Variants in TMEM30A observed in about 807,000 individuals in gnomAD.
TMEM30A encodes cell division cycle 50 P4-ATPase accessory subunit A, also known as cell cycle control protein 50A.
In TMEM30A, 24 loss-of-function variants were observed where a neutral mutation model predicts 38.2. The ratio of observed to expected loss-of-function variants is 0.63; its 90% CI spans 0.46 to 0.88. The LOEUF (loss-of-function observed/expected upper bound fraction) is 0.88. TMEM30A is among the 40% of genes least tolerant of loss of function. TMEM30A has a pLI of 0.00. For missense variants in TMEM30A, 370 were observed against 458.6 expected, an observed-to-expected ratio of 0.81 and a Z score of 1.77; for synonymous variants, 145 against 161.6, an observed-to-expected ratio of 0.90 and a Z score of 0.78.
chr6:75,272,807 T>C (rs903005120), intron 1 of TMEM30A: 2 of 152,252 alleles, frequency 1.3e-5, no homozygotes, highest in Non-Finnish European at 2.9e-5. Flanking sequence ...CTGTCCATTG[T>C]GAGTTTTGGA....
rs765963078 is a variant in TMEM30A, at chr6:75,260,927, A to T, written c.454-16T>A. 2 of 1,559,904 alleles carry T rather than the reference A, an allele frequency of 1.3e-6. No individual in the cohort carries two copies. Among genetic ancestry groups the T allele is most frequent in the South Asian group, 2.4e-5 (2 of 84,260 alleles). ...TACTGGGATTCTGGTTTTTACAAGG[A>T]AAAGAAGAGAGAAATTATTATCCAG... On this transcript the variant is annotated splice_polypyrimidine_tract_variant and intron_variant, in intron 3 of 6. Coordinates refer to ENST00000230461, the MANE Select transcript of TMEM30A (RefSeq NM_018247.4).
rs563727822 is a variant in TMEM30A, at chr6:75,259,103, G to T, written c.686-117C>A. The T allele has an allele frequency of 1.1e-3, 1,018 of 934,386 alleles. 2 individuals are homozygous for T. The highest frequency in any genetic ancestry group is 1.4e-3 in the Non-Finnish European group (905 of 634,124). 57.9% of individuals were successfully genotyped at this position (934,386 alleles called of 1,614,324 possible). ...GGGTTTATTCAAAAGAAGCTTTGCT[G>T]CAATTTTAAAATATTATAGCTGAAA... On this transcript the variant is annotated intron_variant, in intron 5 of 6. Coordinates refer to ENST00000230461, the MANE Select transcript of TMEM30A (RefSeq NM_018247.4).
chr6:75,264,793 A>G (rs537573609), intron 3 of TMEM30A, among the ~76,000 whole-genome samples: 1 of 151,942 alleles, frequency 6.6e-6, no homozygotes, highest in Non-Finnish European at 1.5e-5. Flanking sequence ...AGGAAAAAAT[A>G]TTTTAACTAA....
At chr6:75,275,633 T>A (rs1772247950) in intron 1 of TMEM30A, among the ~76,000 whole-genome samples, 1 of 152,232 alleles carries the variant, frequency 6.6e-6, no homozygotes, top group South Asian at 2.1e-4. Flanking sequence ...GAGAAAATTC[T>A]TTTAGCTCTA....
In TMEM30A at chr6:75,259,423, A is replaced by C. The variant is rs200587918; in HGVS notation, c.609T>G (p.Gly203=). Residue 203 remains glycine, a synonymous_variant, in exon 5 of 7, where the codon GGT becomes GGG. Coordinates refer to ENST00000230461, the MANE Select transcript of TMEM30A (RefSeq NM_018247.4). ...CATTTTTATCTGTCCACCAAGCAAT[A>C]CCTTTCTTTTTCAAAGCGATAGGTA... ...YPIPIALKKK[G]IAWWTDKNVK... The C allele has an allele frequency of 6.2e-7, 1 of 1,613,452 alleles. No individual in the cohort carries two copies. The highest frequency in any genetic ancestry group is 1.7e-5 in the Admixed American group (1 of 59,988).
At chr6:75,277,721 C>G (rs1301764678) in intron 1 of TMEM30A, among the ~76,000 whole-genome samples, 1 of 152,102 alleles carries the variant, frequency 6.6e-6, no homozygotes, top group Non-Finnish European at 1.5e-5. Flanking sequence ...CCTGGGCAAC[C>G]AAGCGAGACC....
Position 75,253,776 on chromosome 6 carries a change from T to A in TMEM30A, c.*2326A>T, listed in dbSNP as rs1411919395. On this transcript the variant is annotated 3_prime_UTR_variant, in exon 7 of 7. Transcript: ENST00000230461. The stretch of plus-strand genomic sequence containing the variant: ...ATTAATTAGTAGTACACAGCTATTT[T>A]TATCAATTTATGCTTAAACTGCCTT... 6.6e-6 allele frequency: 1 copy of A among 152,636 alleles called. No homozygotes were observed. The highest frequency in any genetic ancestry group is 2.4e-5 in the African/African-American group (1 of 41,464). 9.5% of individuals were successfully genotyped at this position (152,636 alleles called of 1,614,324 possible).
chr6:75,256,427 T>C, intron 6 of TMEM30A, 132 bp from the exon 7 acceptor site: 1 of 626,920 alleles, frequency 1.6e-6, no homozygotes, highest in Non-Finnish European at 2.5e-6. Context: ...CACTCCTACG[T>C]TCTAAATCAC....
At chr6:75,271,051 TGAAA>T (rs1772159381) in intron 1 of TMEM30A, among the ~76,000 whole-genome samples, 1 of 152,158 alleles carries the variant, frequency 6.6e-6, no homozygotes, top group Admixed American at 6.5e-5. Flanking sequence ...GTTGGAGAGA[TGAAA>T]GAAAAGACCA....
At chr6:75,259,253 A>C in intron 5 of TMEM30A, 94 bp downstream of exon 5, 1 of 1,399,006 alleles carries the variant, frequency 7.1e-7, no homozygotes, top group Non-Finnish European at 9.7e-7. Flanking sequence ...TGTGTTTTTC[A>C]AAGCATAACT....
chr6:75,272,968 G>C (rs1302437381), intron 1 of TMEM30A: 1 of 152,390 alleles, frequency 6.6e-6, no homozygotes, highest in East Asian at 1.9e-4. Context: ...GGGAAACAAA[G>C]AGTGGATGTG....
chr6:75,265,105 A>G lies in TMEM30A; in HGVS notation c.453+126T>C, dbSNP rs149326934. On this transcript the variant is annotated intron_variant, in intron 3 of 6. Transcript: ENST00000230461. ...AAGTGAGACTCCATCTCGGGGGGAA[A>G]AAAATCCTCACTATACAAACTATAA... 305 of 589,866 alleles carry G rather than the reference A, an allele frequency of 5.2e-4. 1 individual carries two copies. In the Admixed American group the frequency reaches 9.6e-3, roughly 19 times the overall value. 36.5% of individuals were successfully genotyped at this position (589,866 alleles called of 1,614,324 possible). A position where few individuals can be genotyped will look rare whatever the true frequency, so the allele number is the denominator to read the frequency against.
chr6:75,277,697 G>T (rs1326554409), intron 1 of TMEM30A, among the ~76,000 whole-genome samples: 3 of 152,094 alleles, frequency 2.0e-5, no homozygotes, highest in African/African-American at 7.2e-5. Context: ...TTGAGGCCAG[G>T]AGGTCAAGAG....
intron 1 of TMEM30A, among the ~76,000 whole-genome samples, chr6:75,284,038 C>T (rs1365980069): frequency 6.6e-6 from 1 of 151,812 alleles, no homozygotes; most frequent in Non-Finnish European, 1.5e-5. Flanking sequence ...GCCCCCCGCC[C>T]CCACTTCTCT....
At chr6:75,270,481 G>C (rs1274906853) in intron 1 of TMEM30A, among the ~76,000 whole-genome samples, 1 of 152,252 alleles carries the variant, frequency 6.6e-6, no homozygotes, top group African/African-American at 2.4e-5. Context: ...GATGGGATTA[G>C]TGTCCTTATA....
intron 1 of TMEM30A, among the ~76,000 whole-genome samples, chr6:75,278,109 T>A (rs1182561609): frequency 6.6e-6 from 1 of 152,112 alleles, no homozygotes; most frequent in Non-Finnish European, 1.5e-5. Context: ...GAAAAAACAT[T>A]AATGAGTTTC....
chr6:75,265,885 A>G (rs1381806818), intron 2 of TMEM30A, among the ~76,000 whole-genome samples: 5 of 152,164 alleles, frequency 3.3e-5, no homozygotes. Flanking sequence ...TTTTTGTCCA[A>G]GTGAATTCTG....
intron 1 of TMEM30A, among the ~76,000 whole-genome samples, chr6:75,271,773 T>G (rs946486136): frequency 6.6e-6 from 1 of 152,156 alleles, no homozygotes; most frequent in Non-Finnish European, 1.5e-5. Context: ...AAACCATTTT[T>G]TCCCCCAAAA....
intron 6 of TMEM30A, among the ~76,000 whole-genome samples, chr6:75,257,433 T>C (rs940280286): frequency 6.6e-6 from 1 of 152,160 alleles, no homozygotes; most frequent in East Asian, 1.9e-4. Flanking sequence ...AATTCCTGTA[T>C]GGAAATCATC....
Sources: gnomAD v4.1 joint callset for allele counts (sites outside exome capture counted in the v4.1 genomes callset) on GRCh38, gnomAD v4.1.1 for gene constraint, MANE v1.5 for transcripts, NCBI Gene and HGNC (gene_info 2026-07-23, HGNC 2026-07-21) for gene names.